CHST9: variants seen among roughly 807,000 people sequenced by gnomAD.
The protein encoded by CHST9 is carbohydrate sulfotransferase 9, also known as GalNAc-4-sulfotransferase 2.
CHST9 carries 41 observed loss-of-function variants against 44.4 expected under a neutral mutation model. The ratio of observed to expected loss-of-function variants is 0.92; its 90% CI spans 0.72 to 1.20. The LOEUF (loss-of-function observed/expected upper bound fraction) is 1.20. Among genes scored for constraint, CHST9 ranks in the 50% most tolerant of loss-of-function variants. CHST9 has a pLI of 0.00. For synonymous variants in CHST9, 171 were observed against 178.4 expected (o/e 0.96, Z 0.33); for missense variants, 504 against 516.5 (o/e 0.98, Z 0.23).
intron 1 of CHST9, among the ~76,000 whole-genome samples, chr18:27,177,560 C>T (rs760927178): frequency 3.3e-5 from 5 of 151,916 alleles, no homozygotes; most frequent in Non-Finnish European, 7.4e-5. Flanking sequence ...TTTGAATTGA[C>T]GGTGTCATCT....
intron 1 of CHST9, among the ~76,000 whole-genome samples, chr18:27,175,842 A>G (rs2058864144): frequency 6.6e-6 from 1 of 152,214 alleles, no homozygotes; most frequent in Middle Eastern, 3.4e-3. Flanking sequence ...TAATTAAATA[A>G]TTATACAAAT....
chr18:27,042,898 C>T (rs529822242), intron 3 of CHST9, among the ~76,000 whole-genome samples: 14 of 151,930 alleles, frequency 9.2e-5, no homozygotes, highest in Admixed American at 7.2e-4. Context: ...GCTCCCCAAC[C>T]CCTTGTCACT....
chr18:27,028,409 CACAGGAGGGATCAGGAGTTT>C (rs879637879), intron 3 of CHST9, among the ~76,000 whole-genome samples: 6 of 152,172 alleles, frequency 3.9e-5, no homozygotes, highest in Admixed American at 6.5e-5. Context: ...CATACATCTC[CACAGGAGGGATCAGGAGTTT>C]ACAGGCGGGC....
chr18:26,925,166 A>G (rs1174806829), intron 5 of CHST9, among the ~76,000 whole-genome samples: 3 of 152,294 alleles, frequency 2.0e-5, no homozygotes, highest in Admixed American at 1.3e-4. Context: ...AACATGAAAG[A>G]GGAATCCTGG....
chr18:26,915,926 T>C lies in CHST9; in HGVS notation c.*333A>G, dbSNP rs1439762384. On this transcript the variant is annotated 3_prime_UTR_variant, in exon 6 of 6. Transcript: ENST00000618847. Reference sequence around the variant, plus strand: ...ATTTCAGGATATAGACATACACTCATGCTATTTGAGATCCTTTTTTCCTAC... The same window carrying C: ...ATTTCAGGATATAGACATACACTCACGCTATTTGAGATCCTTTTTTCCTAC... The C allele has an allele frequency of 4.9e-6, 1 of 204,512 alleles. No homozygotes were observed. The highest frequency in any genetic ancestry group is 1.0e-5 in the Non-Finnish European group (1 of 100,116). The allele number at this position is 204,512 out of a possible 1,614,324, so 12.7% of individuals were successfully genotyped here.
At chr18:27,108,682 G>A (rs562470228) in intron 2 of CHST9, among the ~76,000 whole-genome samples, 33 of 152,262 alleles carry the variant, frequency 2.2e-4, no homozygotes, top group Admixed American at 1.3e-3. Flanking sequence ...CAAGTTGAAA[G>A]GGAAGGAAGG....
At chr18:26,937,096 CATG>C (rs1314723175) in intron 5 of CHST9, among the ~76,000 whole-genome samples, 5 of 152,038 alleles carry the variant, frequency 3.3e-5, no homozygotes, top group South Asian at 2.1e-4. Flanking sequence ...TTTTTATTTC[CATG>C]ATATTTCTGC....
chr18:27,053,250 A>AAGGAGAAGGAGAAGGAGAAGG (rs1568151109), intron 2 of CHST9, among the ~76,000 whole-genome samples: 1 of 87,224 alleles, frequency 1.1e-5, no homozygotes, highest in African/African-American at 4.0e-5. Flanking sequence ...GAAGAAGAAG[A>AAGGAGAAGGAGAAGGAGAAGG]AGAAGAAGAA....
chr18:26,924,966 C>T (rs1340075513), intron 5 of CHST9: 1 of 152,104 alleles, frequency 6.6e-6, no homozygotes, highest in Non-Finnish European at 1.5e-5. Flanking sequence ...AACTGTGCTC[C>T]AGGTACTGGG....
chr18:26,951,029 G>T (rs911136458), intron 4 of CHST9, among the ~76,000 whole-genome samples: 1 of 152,176 alleles, frequency 6.6e-6, no homozygotes, highest in African/African-American at 2.4e-5. Flanking sequence ...AGTCATCCCA[G>T]ATTTCTTAAA....
chr18:27,172,045 G>A (rs1008083557), intron 1 of CHST9, among the ~76,000 whole-genome samples: 2 of 152,092 alleles, frequency 1.3e-5, no homozygotes, highest in African/African-American at 2.4e-5. Flanking sequence ...ATAATATCTA[G>A]AATTATTCCC....
chr18:27,075,152 T>C (rs561612611), intron 2 of CHST9, among the ~76,000 whole-genome samples: 7 of 138,710 alleles, frequency 5.0e-5, no homozygotes, highest in African/African-American at 1.8e-4. Flanking sequence ...TGGGGGTTGC[T>C]TTTTTTGTTT....
chr18:27,076,834 G>A (rs1482892812), intron 2 of CHST9, among the ~76,000 whole-genome samples: 1 of 152,174 alleles, frequency 6.6e-6, no homozygotes, highest in Non-Finnish European at 1.5e-5. Context: ...GCACATGATG[G>A]GAAAAGGAGA....
At chr18:27,034,039 C>G (rs1174909098) in intron 3 of CHST9, among the ~76,000 whole-genome samples, 1 of 152,204 alleles carries the variant, frequency 6.6e-6, no homozygotes, top group African/African-American at 2.4e-5. Flanking sequence ...CTGCTGCTTC[C>G]CTGTTTCTAA....
intron 1 of CHST9, among the ~76,000 whole-genome samples, chr18:27,151,511 C>T (rs1033956031): frequency 1.3e-5 from 2 of 152,056 alleles, no homozygotes; most frequent in African/African-American, 2.4e-5. Flanking sequence ...CATTACATGG[C>T]AATGGAGAAT....
intron 4 of CHST9, among the ~76,000 whole-genome samples, chr18:27,014,537 A>T (rs2057127119): frequency 1.3e-5 from 2 of 149,012 alleles, no homozygotes; most frequent in Admixed American, 1.3e-4. Context: ...AACTAACTCA[A>T]CAAACATATA....
intron 4 of CHST9, among the ~76,000 whole-genome samples, chr18:27,007,814 G>A (rs996513181): frequency 2.7e-4 from 41 of 152,102 alleles, no homozygotes; most frequent in African/African-American, 9.7e-4. Flanking sequence ...GGGTGAACAT[G>A]GAGAAAATAG....
rs563423356 is a variant in CHST9 at position 27,075,942 on chromosome 18, T to A, written c.122-27439A>T. ...CACCTGTGTGATCCCCATACCCCCT[T>A]GATCCAGGTTGTGATAAAGATGTGA... On this transcript the variant is annotated intron_variant, in intron 2 of 5. Coordinates refer to ENST00000618847, the MANE Select transcript of CHST9 (RefSeq NM_031422.6). Among the ~76,000 whole-genome samples, 3 of 152,306 alleles carry A rather than the reference T, an allele frequency of 2.0e-5. No individual in the cohort carries two copies. In the South Asian group the frequency reaches 6.2e-4, roughly 32 times the overall value.
intron 2 of CHST9, among the ~76,000 whole-genome samples, chr18:27,113,314 TCTAGTCATTTTC>T (rs1304363078): frequency 6.6e-6 from 1 of 152,206 alleles, no homozygotes; most frequent in Non-Finnish European, 1.5e-5. Context: ...TCAAATATCT[TCTAGTCATTTTC>T]TTTACTCAGC....
Sources: gnomAD v4.1 joint callset for allele counts (sites outside exome capture counted in the v4.1 genomes callset) on GRCh38, gnomAD v4.1.1 for gene constraint, MANE v1.5 for transcripts, NCBI Gene and HGNC (gene_info 2026-07-23, HGNC 2026-07-21) for gene names.